NRG3: variants seen among roughly 807,000 people sequenced by gnomAD.
The protein encoded by NRG3 is pro-neuregulin-3, membrane-bound isoform.
Under a neutral mutation model 66.9 loss-of-function variants are expected in NRG3, and 31 were observed. That is an observed-to-expected ratio of 0.46 (90% CI 0.35 to 0.63). The LOEUF (loss-of-function observed/expected upper bound fraction) is 0.63, where lower values mean the gene tolerates loss of function less well. Ranked by LOEUF, NRG3 falls within the 20% of genes least tolerant of loss-of-function variation. The pLI, the probability that NRG3 is intolerant of heterozygous loss-of-function variation, is 0.00. For missense variants in NRG3, 910 were observed against 878.9 expected (o/e 1.04, Z -0.45); for synonymous variants, 393 against 359.4 (o/e 1.09, Z -1.06).
intron 2 of NRG3, among the ~76,000 whole-genome samples, chr10:82,647,070 T>G (rs566741505): frequency 6.6e-6 from 1 of 151,938 alleles, no homozygotes; most frequent in Admixed American, 6.6e-5. Flanking sequence ...TAGTTACATA[T>G]GTATACATGT....
At chr10:82,733,158 G>A (rs2058000061) in intron 2 of NRG3, among the ~76,000 whole-genome samples, 2 of 152,264 alleles carry the variant, frequency 1.3e-5, no homozygotes, top group Non-Finnish European at 2.9e-5. Flanking sequence ...AAGAAAGTAT[G>A]TATACCTTCT....
intron 1 of NRG3, among the ~76,000 whole-genome samples, chr10:81,964,219 C>G (rs1367362691): frequency 6.6e-6 from 1 of 151,692 alleles, no homozygotes; most frequent in Non-Finnish European, 1.5e-5. Context: ...ATTGTGGTTT[C>G]CTTTATTCAT....
chr10:82,143,506 T>C (rs148571582), intron 1 of NRG3, among the ~76,000 whole-genome samples: 2 of 152,302 alleles, frequency 1.3e-5, no homozygotes, highest in East Asian at 3.9e-4. Context: ...TAGGTTTGCC[T>C]GTATTTCTTG....
chr10:82,335,273 A>G (rs1450054073), intron 1 of NRG3, among the ~76,000 whole-genome samples: 7 of 152,200 alleles, frequency 4.6e-5, no homozygotes, highest in African/African-American at 2.4e-5. Flanking sequence ...GATATAACCA[A>G]TGATGGCTCA....
At chr10:82,186,050 T>A (rs1276228390) in intron 1 of NRG3, among the ~76,000 whole-genome samples, 1 of 152,200 alleles carries the variant, frequency 6.6e-6, no homozygotes, top group Non-Finnish European at 1.5e-5. Flanking sequence ...TATCATTTCA[T>A]GTCTAAGTGT....
chr10:82,083,726 C>G (rs1209446782), intron 1 of NRG3, among the ~76,000 whole-genome samples: 5 of 151,226 alleles, frequency 3.3e-5, no homozygotes, highest in Non-Finnish European at 5.9e-5. Context: ...TCCCGAGTAG[C>G]TGGGATTACA....
At chr10:82,932,213 C>T (rs1316711688) in intron 4 of NRG3, among the ~76,000 whole-genome samples, 5 of 152,058 alleles carry the variant, frequency 3.3e-5, no homozygotes, top group Admixed American at 3.3e-4. Flanking sequence ...TTTAGGATTC[C>T]GTAGGACAGC....
chr10:82,333,399 A>ACT (rs1256331719), intron 1 of NRG3, among the ~76,000 whole-genome samples: 1 of 152,182 alleles, frequency 6.6e-6, no homozygotes, highest in Non-Finnish European at 1.5e-5. Context: ...AGCTGAATTG[A>ACT]CTCTGAGTTG....
chr10:82,470,881 C>CAGGG (rs1841187445), intron 2 of NRG3, among the ~76,000 whole-genome samples: 1 of 152,174 alleles, frequency 6.6e-6, no homozygotes, highest in Admixed American at 6.6e-5. Flanking sequence ...TCAGCCTTAT[C>CAGGG]AGGGACCTCT....
chr10:82,299,540 T>A (rs1471773952), intron 1 of NRG3, among the ~76,000 whole-genome samples: 2 of 126,416 alleles, frequency 1.6e-5, no homozygotes, highest in African/African-American at 8.1e-5. Context: ...AGGGCTCCAA[T>A]CCAGCCCTGT....
chr10:81,908,477 G>A (rs1054102489), intron 1 of NRG3, among the ~76,000 whole-genome samples: 3 of 152,158 alleles, frequency 2.0e-5, no homozygotes, highest in African/African-American at 7.2e-5. Context: ...AAGGAGTTTT[G>A]TAGAGGTGAT....
At chr10:82,489,837 G>T (rs1842954933) in intron 2 of NRG3, among the ~76,000 whole-genome samples, 1 of 152,168 alleles carries the variant, frequency 6.6e-6, no homozygotes, top group Non-Finnish European at 1.5e-5. Flanking sequence ...TTAAAAAAAA[G>T]TTTTTGGATC....
chr10:82,148,973 T>G (rs2070472606), intron 1 of NRG3, among the ~76,000 whole-genome samples: 1 of 152,136 alleles, frequency 6.6e-6, no homozygotes, highest in South Asian at 2.1e-4. Context: ...ATGAGTCAGA[T>G]AGGGAAGACA....
chr10:82,636,473 A>G (rs957666844), intron 2 of NRG3, among the ~76,000 whole-genome samples: 7 of 152,196 alleles, frequency 4.6e-5, no homozygotes, highest in Admixed American at 6.5e-5. Flanking sequence ...GGAGTTCTCA[A>G]AAAGAATGAT....
intron 1 of NRG3, among the ~76,000 whole-genome samples, chr10:82,265,697 A>G (rs184700037): frequency 6.6e-6 from 1 of 152,330 alleles, no homozygotes; most frequent in African/African-American, 2.4e-5. Context: ...TGACATCACC[A>G]ACAATTATGG....
intron 4 of NRG3, among the ~76,000 whole-genome samples, chr10:82,914,174 T>C (rs1165290527): frequency 6.6e-6 from 1 of 152,134 alleles, no homozygotes; most frequent in Non-Finnish European, 1.5e-5. Context: ...TCTCTCTGCC[T>C]ACATTACCCA....
Position 82,090,894 on chromosome 10 carries a change from G to A in NRG3, c.823+214731G>A, listed in dbSNP as rs187850909. On this transcript the variant is annotated intron_variant, in intron 1 of 8. Transcript: ENST00000372141. The stretch of plus-strand genomic sequence containing the variant: ...TACATTATGTGTTGTGTTAGAAAAG[G>A]CAGAAAAAGGTAGTGCTTCATGTTT... Among the ~76,000 whole-genome samples the A allele has an allele frequency of 7.7e-3, 1,175 of 152,204 alleles. 9 individuals carry two copies. Among genetic ancestry groups the A allele is most frequent in the Middle Eastern group, 0.014 (4 of 294 alleles).
intron 2 of NRG3, among the ~76,000 whole-genome samples, chr10:82,554,381 A>T (rs2044513258): frequency 6.6e-6 from 1 of 152,204 alleles, no homozygotes; most frequent in African/African-American, 2.4e-5. Flanking sequence ...AAAACATCAC[A>T]CTGTACCCCG....
At chr10:82,460,396 C>T (rs1316382230) in intron 2 of NRG3, among the ~76,000 whole-genome samples, 2 of 152,170 alleles carry the variant, frequency 1.3e-5, no homozygotes, top group African/African-American at 4.8e-5. Context: ...ATCATGTCTA[C>T]AAAGCATGTA....
Sources: allele counts gnomAD v4.1 joint callset (sites outside exome capture counted in the v4.1 genomes callset), GRCh38; gene constraint gnomAD v4.1.1; transcripts MANE v1.5; gene names NCBI Gene and HGNC (gene_info 2026-07-23, HGNC 2026-07-21).